The following MAST4 variants were observed in gnomAD, a reference collection of about 807,000 sequenced individuals.
The protein encoded by MAST4 is microtubule-associated serine/threonine-protein kinase 4.
A neutral mutation model predicts 162.7 loss-of-function variants in MAST4; 89 were observed. That is an observed-to-expected ratio of 0.55 (90% CI 0.46 to 0.65). The LOEUF (loss-of-function observed/expected upper bound fraction) is 0.65, where lower values mean the gene tolerates loss of function less well. Ranked by LOEUF, MAST4 falls within the 30% of genes least tolerant of loss-of-function variation. MAST4 has a pLI of 0.00. For synonymous variants in MAST4, 1,479 were observed against 1,361.1 expected (o/e 1.09, Z -1.91); for missense variants, 3,153 against 3,374.0 (o/e 0.93, Z 1.62).
chr5:66,991,432 A>G (rs747871792), intron 4 of MAST4, among the ~76,000 whole-genome samples: 1 of 152,218 alleles, frequency 6.6e-6, no homozygotes, highest in Non-Finnish European at 1.5e-5. Flanking sequence ...TTTGAAGCAC[A>G]TACGAAATAG....
intron 1 of MAST4, among the ~76,000 whole-genome samples, chr5:66,632,088 GA>G (rs1744829877): frequency 6.6e-6 from 1 of 152,042 alleles, no homozygotes; most frequent in African/African-American, 2.4e-5. Context: ...ATTTTCCTGG[GA>G]AAAATCCTTA....
intron 1 of MAST4, among the ~76,000 whole-genome samples, chr5:66,706,959 C>T (rs933596168): frequency 1.3e-5 from 2 of 152,132 alleles, no homozygotes; most frequent in Non-Finnish European, 1.5e-5. Context: ...CTGCGGATGC[C>T]GTGCTAGCCT....
chr5:66,626,959 A>G (rs4532319), intron 1 of MAST4, among the ~76,000 whole-genome samples: 103,585 of 152,054 alleles, frequency 0.68, 35,684 homozygotes, highest in East Asian at 0.82. Flanking sequence ...ACAGGTCAGG[A>G]AGATACGAAG....
intron 4 of MAST4, among the ~76,000 whole-genome samples, chr5:67,052,534 C>T (rs940463665): frequency 4.6e-5 from 7 of 151,786 alleles, no homozygotes; most frequent in East Asian, 3.9e-4. Context: ...TGGTAGTGTA[C>T]GTTTCTTAGA....
At chr5:67,081,061 A>AATTGTATATATT (rs1762581160) in intron 5 of MAST4, among the ~76,000 whole-genome samples, 1 of 120,060 alleles carries the variant, frequency 8.3e-6, no homozygotes, top group Non-Finnish European at 1.6e-5. Flanking sequence ...TATATTATAT[A>AATTGTATATATT]ATATAATATA....
At chr5:67,093,034 G>A (rs1005764201) in intron 6 of MAST4, among the ~76,000 whole-genome samples, 1 of 152,154 alleles carries the variant, frequency 6.6e-6, no homozygotes, top group Non-Finnish European at 1.5e-5. Context: ...ATCACTCCAG[G>A]TAACTATAAC....
chr5:67,130,213 A>C lies in MAST4; in HGVS notation c.1749A>C (p.Ala583=). 9 of 1,611,192 alleles carry C rather than the reference A, an allele frequency of 5.6e-6. No individual in the cohort carries two copies. Among genetic ancestry groups the C allele is most frequent in the Non-Finnish European group, 7.6e-6 (9 of 1,178,420 alleles). ...CAATACTTCTGCTCCTTTTCAGGGCAGTCTACTTTGTTCGGCATAAAGAAT... is the reference window on the plus strand; with the variant it reads ...CAATACTTCTGCTCCTTTTCAGGGCCGTCTACTTTGTTCGGCATAAAGAAT... ...IKLISNGAYG[A]VYFVRHKESR... Residue 583 remains alanine, a synonymous_variant, in exon 15 of 29, where the codon GCA becomes GCC. Coordinates refer to ENST00000403625, the MANE Select transcript of MAST4 (RefSeq NM_001164664.2).
At chr5:67,093,395 CCTTT>C (rs1261817208) in intron 6 of MAST4, among the ~76,000 whole-genome samples, 4 of 152,064 alleles carry the variant, frequency 2.6e-5, no homozygotes, top group African/African-American at 9.7e-5. Context: ...TTGTGTGATA[CCTTT>C]CTTGAAAAAA....
In MAST4 at chr5:67,166,611, G is replaced by A. The variant is rs1202356391; in HGVS notation, c.7432G>A (p.Ala2478Thr). Residue 2478 changes from alanine to threonine, a missense_variant, in exon 29 of 29, where the codon GCC becomes ACC. Around this residue, in one of 7 missense-constraint regions of MAST4, gnomAD observed 1,644 missense variants for 1,495.0 expected, o/e 1.10. Coordinates refer to ENST00000403625, the MANE Select transcript of MAST4 (RefSeq NM_001164664.2). Reference sequence around the variant, plus strand: ...GGCCGGAGTTAGAGAGGCCTCTGCAGCCAGCAGCGACACCTCTTCTGCCAA... The same window carrying A: ...GGCCGGAGTTAGAGAGGCCTCTGCAACCAGCAGCGACACCTCTTCTGCCAA... The part of the protein sequence containing the change: ...TRAGVREASA[A>T]SSDTSSAKAA... 3 of 1,600,878 alleles carry A rather than the reference G, an allele frequency of 1.9e-6. No homozygotes were observed. The highest frequency in any genetic ancestry group is 2.3e-5 in the East Asian group (1 of 44,232).
chr5:66,664,296 G>A (rs982790249), intron 1 of MAST4, among the ~76,000 whole-genome samples: 4 of 151,688 alleles, frequency 2.6e-5, no homozygotes, highest in South Asian at 4.2e-4. Context: ...TTAGGTGGAC[G>A]TGGTGACGGG....
At chr5:67,139,802 T>C (rs1406186351) in intron 19 of MAST4, among the ~76,000 whole-genome samples, 1 of 152,226 alleles carries the variant, frequency 6.6e-6, no homozygotes, top group East Asian at 1.9e-4. Context: ...TTTCCCCCAA[T>C]TTGTCCCTTT....
intron 1 of MAST4, among the ~76,000 whole-genome samples, chr5:66,696,858 G>T (rs547947268): frequency 6.6e-6 from 1 of 152,202 alleles, no homozygotes; most frequent in South Asian, 2.1e-4. Flanking sequence ...GCATCCTTCT[G>T]CCACTCACTT....
chr5:66,607,644 G>T (rs1480414945), intron 1 of MAST4, among the ~76,000 whole-genome samples: 3 of 152,206 alleles, frequency 2.0e-5, no homozygotes, highest in Non-Finnish European at 4.4e-5. Flanking sequence ...AATTTGGTCA[G>T]TAGTGAAAGT....
rs377578969 is a variant in MAST4, at chr5:66,797,875, GA to G, written c.642+9082del. ...GGACAATAATGTTTCTTCTTAATGT[GA>G]TATTTCTAGGATAGTTGAGAAGGCA... On this transcript the variant is annotated intron_variant, in intron 3 of 28. Transcript: ENST00000403625. Among the ~76,000 whole-genome samples the G allele has an allele frequency of 2.2e-4, 34 of 152,246 alleles. No individual in the cohort carries two copies. In the South Asian group the frequency reaches 6.6e-3, roughly 30 times the overall value.
Position 67,051,356 on chromosome 5 carries a change from C to T in MAST4, c.675-3048C>T, listed in dbSNP as rs115213395. Among the ~76,000 whole-genome samples, 495 of 152,228 alleles carry T rather than the reference C, an allele frequency of 3.3e-3. 3 individuals are homozygous for T. The highest frequency in any genetic ancestry group is 0.011 in the African/African-American group (477 of 41,526). ...CCTGACGTGCAGGTGCCATAAACTT[C>T]TGCTTTCATGGGCAGGAAAGTGTGT... On this transcript the variant is annotated intron_variant, in intron 4 of 28. Transcript: ENST00000403625.
At chr5:66,784,643 C>T (rs1232788406) in intron 2 of MAST4, among the ~76,000 whole-genome samples, 3 of 152,208 alleles carry the variant, frequency 2.0e-5, no homozygotes, top group East Asian at 1.9e-4. Context: ...GTTTCAATAT[C>T]TTTCAATATT....
At chr5:67,103,857 T>A (rs1765300953) in intron 9 of MAST4, among the ~76,000 whole-genome samples, 1 of 152,232 alleles carries the variant, frequency 6.6e-6, no homozygotes, top group African/African-American at 2.4e-5. Flanking sequence ...CCCAAGATCT[T>A]AAATGAAAGC....
At chr5:67,116,429 C>T (rs1381695290) in intron 12 of MAST4, among the ~76,000 whole-genome samples, 1 of 150,206 alleles carries the variant, frequency 6.7e-6, no homozygotes, top group South Asian at 2.2e-4. Context: ...TGGTCTTGAA[C>T]TCCTAACCTC....
chr5:67,050,474 A>G (rs1350590460), intron 4 of MAST4, among the ~76,000 whole-genome samples: 1 of 152,168 alleles, frequency 6.6e-6, no homozygotes, highest in Non-Finnish European at 1.5e-5. Context: ...AGGTCCTATC[A>G]TCAGAACATC....
Sources: gnomAD v4.1 joint callset for allele counts (sites outside exome capture counted in the v4.1 genomes callset) on GRCh38, gnomAD v4.1.1 for gene constraint, gnomAD v4.1.1 regional missense constraint, MANE v1.5 for transcripts, NCBI Gene and HGNC (gene_info 2026-07-23, HGNC 2026-07-21) for gene names.